Variants in APOL5 observed in about 807,000 individuals in gnomAD.
APOL5 encodes the protein apolipoprotein L5.
APOL5 carries 29 observed loss-of-function variants against 35.5 expected under a neutral mutation model. That is an observed-to-expected ratio of 0.82 (90% confidence interval 0.61 to 1.11). The LOEUF is 1.11. Among genes scored for constraint, APOL5 ranks in the 50% most tolerant of loss-of-function variants. The pLI is 0.00. For synonymous variants in APOL5, 188 were observed against 200.2 expected (o/e 0.94, Z 0.51); for missense variants, 514 against 530.4 (o/e 0.97, Z 0.30).
At chr22:35,714,340 G>A (rs1331846539), upstream of APOL5, among the ~76,000 whole-genome samples, 2 of 152,182 alleles carry the variant, frequency 1.3e-5, no homozygotes, top group South Asian at 2.1e-4. Flanking sequence ...AAAAATCTGC[G>A]TTATCCCTCT....
At chr22:35,708,981 G>T in the APOL5 span, among the ~76,000 whole-genome samples, 1 of 152,182 alleles carries the variant, frequency 6.6e-6, no homozygotes, top group Admixed American at 6.5e-5. Flanking sequence ...TACACAATGC[G>T]AGTAACACAA....
upstream of APOL5, among the ~76,000 whole-genome samples, chr22:35,716,107 C>CA (rs922640035): frequency 4.1e-4 from 63 of 152,084 alleles, no homozygotes; most frequent in African/African-American, 1.5e-3. Flanking sequence ...ATAGAACCAA[C>CA]AAAAAAAGAA....
At chr22:35,728,146 A>AGTGG (rs1400611463) in intron 3 of APOL5, among the ~76,000 whole-genome samples, 1 of 152,228 alleles carries the variant, frequency 6.6e-6, no homozygotes, top group Non-Finnish European at 1.5e-5. Flanking sequence ...AATACTGATG[A>AGTGG]GTGGGTGGGT....
intron 3 of APOL5, 114 bp from the exon 4 acceptor site, chr22:35,728,609 T>A: frequency 7.9e-7 from 1 of 1,258,512 alleles, no homozygotes; most frequent in Non-Finnish European, 1.1e-6. Context: ...AGGGGTTTTC[T>A]TCTTCTCAAA....
At position 35,727,121 on chromosome 22, in the gene APOL5, G is replaced by A. The variant is rs759754344; in HGVS notation, c.1053G>A (p.Pro351=). ...DRLTQHHRHL[P]QKASQTCSSS... ...TCACCCAGCACCACCGGCACCTGCC[G>A]CAGAAGGCGAGCCAGACCTGTTCCA... The change falls in exon 3 of 5, where the codon CCG becomes CCA. Residue 351 remains proline (P), a synonymous_variant. Transcript: ENST00000249044. 5 of 1,610,708 alleles carry A rather than the reference G, an allele frequency of 3.1e-6. No homozygotes were observed. The highest frequency in any genetic ancestry group is 1.7e-5 in the Admixed American group (1 of 60,008).
Position 35,727,050 on chromosome 22 carries a change from G to T in APOL5, c.982G>T (p.Glu328Ter), listed in dbSNP as rs1226291978. Residue 328 changes from glutamate (E) to a stop codon, truncating the protein, a stop_gained, in exon 3 of 5, where the codon GAA (glutamate) becomes TAA (stop). Transcript: ENST00000249044. LOFTEE classifies it high-confidence loss of function. ...EDGARTETAE[E>*]LRALAKKLEQ... ...TGGGGCAAGGACGGAGACAGCAGAG[G>T]AACTGAGAGCACTTGCTAAGAAGCT... is the stretch of plus-strand genomic sequence containing the variant. The T allele has an allele frequency of 6.2e-7, 1 of 1,613,796 alleles. No individual in the cohort carries two copies. Among genetic ancestry groups the T allele is most frequent in the Non-Finnish European group, 8.5e-7 (1 of 1,180,024 alleles).
intron 2 of APOL5, among the ~76,000 whole-genome samples, chr22:35,723,732 G>T (rs8140970): frequency 6.6e-6 from 1 of 152,086 alleles, no homozygotes; most frequent in South Asian, 2.1e-4. Context: ...AGGCCGAGGG[G>T]AGGTGAATCA....
chr22:35,708,628 G>T, the APOL5 span, among the ~76,000 whole-genome samples: 1 of 152,134 alleles, frequency 6.6e-6, no homozygotes, highest in Non-Finnish European at 1.5e-5. Context: ...GGGGGAAGGG[G>T]CAGAGCCGTC....
chr22:35,722,972 G>A (rs958353485), intron 2 of APOL5, among the ~76,000 whole-genome samples: 1 of 152,158 alleles, frequency 6.6e-6, no homozygotes, highest in Non-Finnish European at 1.5e-5. Context: ...GGTTTACAGA[G>A]ATGTTCACCT....
chr22:35,717,357 T>C (rs1295960034), upstream of APOL5, among the ~76,000 whole-genome samples: 1 of 146,794 alleles, frequency 6.8e-6, no homozygotes, highest in East Asian at 2.0e-4. Context: ...GCCGAGATTG[T>C]GTCACTGCAC....
upstream of APOL5, among the ~76,000 whole-genome samples, chr22:35,716,269 C>T (rs1926740797): frequency 6.6e-6 from 1 of 152,050 alleles, no homozygotes; most frequent in Non-Finnish European, 1.5e-5. Context: ...TCTTTTTATT[C>T]TATTGGCTTT....
intron 2 of APOL5, among the ~76,000 whole-genome samples, chr22:35,723,167 C>A (rs917269365): frequency 9.9e-5 from 15 of 152,076 alleles, no homozygotes. Flanking sequence ...CCTTTGAGGC[C>A]GTGGGGTTCC....
upstream of APOL5, among the ~76,000 whole-genome samples, chr22:35,716,124 ATTAACAT>A (rs1926736801): frequency 6.6e-6 from 1 of 152,256 alleles, no homozygotes; most frequent in South Asian, 2.1e-4. Flanking sequence ...AGAAAACAAT[ATTAACAT>A]TTAACAGTAT....
At chr22:35,710,904 C>T in the APOL5 span, among the ~76,000 whole-genome samples, 2 of 152,212 alleles carry the variant, frequency 1.3e-5, no homozygotes, top group South Asian at 2.1e-4. Flanking sequence ...CAGTGGCTCA[C>T]GCCTGTAATC....
At chr22:35,728,144 T>TGAGTGGGTGGGTG (rs752030160) in intron 3 of APOL5, among the ~76,000 whole-genome samples, 17 of 152,250 alleles carry the variant, frequency 1.1e-4, no homozygotes, top group Non-Finnish European at 2.4e-4. Context: ...AAAATACTGA[T>TGAGTGGGTGGGTG]GAGTGGGTGG....
upstream of APOL5, among the ~76,000 whole-genome samples, chr22:35,714,686 A>G (rs5999968): frequency 0.41 from 62,002 of 152,086 alleles, 13,400 homozygotes; most frequent in African/African-American, 0.54. Flanking sequence ...GTCCTCCAGC[A>G]ATGAATGCAG....
upstream of APOL5, among the ~76,000 whole-genome samples, chr22:35,715,467 G>A (rs1307501630): frequency 6.6e-6 from 1 of 152,112 alleles, no homozygotes; most frequent in Non-Finnish European, 1.5e-5. Flanking sequence ...TCAACATGGT[G>A]AAACCCCGTC....
the APOL5 span, among the ~76,000 whole-genome samples, chr22:35,708,671 C>T: frequency 1.3e-5 from 2 of 152,108 alleles, no homozygotes; most frequent in Non-Finnish European, 2.9e-5. Flanking sequence ...GATAAATATA[C>T]GCTTTCCTCT....
chr22:35,725,297 G>T (rs1927109952), intron 2 of APOL5, among the ~76,000 whole-genome samples: 2 of 151,820 alleles, frequency 1.3e-5, no homozygotes, highest in South Asian at 4.2e-4. Context: ...ATGAACTCTT[G>T]CTCTGTCACC....
Sources: allele counts gnomAD v4.1 joint callset (sites outside exome capture counted in the v4.1 genomes callset), GRCh38; gene constraint gnomAD v4.1.1; transcripts MANE v1.5; gene names NCBI Gene and HGNC (gene_info 2026-07-23, HGNC 2026-07-21).